The following TMEM272 variants were observed in gnomAD, a reference collection of about 807,000 sequenced individuals.
TMEM272 encodes long intergenic non-protein coding RNA 282.
A neutral mutation model predicts 3.7 loss-of-function variants in TMEM272; 8 were observed. That is an observed-to-expected ratio of 2.17 (90% confidence interval 1.27 to 3.91). The LOEUF is 3.91. TMEM272 is among the 30% of genes most tolerant of loss of function. The pLI, the probability that TMEM272 is intolerant of heterozygous loss-of-function variation, is 0.00. For synonymous variants in TMEM272, 63 were observed against 39.8 expected (o/e 1.58, Z -2.20); for missense variants, 166 against 91.5 (o/e 1.81, Z -3.32).
chr13:51,918,370 T>C, the TMEM272 span, among the ~76,000 whole-genome samples: 1 of 152,186 alleles, frequency 6.6e-6, no homozygotes, highest in South Asian at 2.1e-4. Flanking sequence ...TGTCTGGATA[T>C]TTTAGAATTG....
At chr13:51,834,747 TG>T (rs1442727634) in intron 2 of TMEM272, among the ~76,000 whole-genome samples, 7 of 152,184 alleles carry the variant, frequency 4.6e-5, no homozygotes, top group Non-Finnish European at 8.8e-5. Flanking sequence ...CAAGTGGAGT[TG>T]AAGGGGACTT....
At chr13:51,865,862 G>A in the TMEM272 span, 5 of 1,613,698 alleles carry the variant, frequency 3.1e-6, no homozygotes, top group Non-Finnish European at 4.2e-6. Flanking sequence ...GGAAGAAAAG[G>A]CCCTGTGGGT....
rs537522058 is a variant in TMEM272, at chr13:51,820,110, TC to T, written c.201+1944del. 1.9e-4 allele frequency among the ~76,000 whole-genome samples: 29 copies of T among 152,304 alleles called. No individual in the cohort carries two copies. The South Asian group carries it at 5.6e-3, about 29-fold the overall frequency. The stretch of plus-strand genomic sequence containing the variant: ...ACACAATACTTAACTTACTAGGCAC[TC>T]TAATTTTCTATTTTATTTTTTAAAA... On this transcript the variant is annotated intron_variant, in intron 4 of 4. Coordinates refer to ENST00000629372, the MANE Select transcript of TMEM272 (RefSeq NM_001351003.2).
the TMEM272 span, among the ~76,000 whole-genome samples, chr13:51,904,636 C>T: frequency 6.6e-6 from 1 of 152,154 alleles, no homozygotes; most frequent in East Asian, 1.9e-4. Flanking sequence ...ATCCAAAAAT[C>T]TGAAATGCTC....
the TMEM272 span, among the ~76,000 whole-genome samples, chr13:51,929,118 A>G: frequency 6.6e-6 from 1 of 152,002 alleles, no homozygotes. Flanking sequence ...AATCGCTTGA[A>G]CCTGGGAGGC....
the TMEM272 span, among the ~76,000 whole-genome samples, chr13:51,907,623 C>T: frequency 1.3e-5 from 2 of 152,184 alleles, no homozygotes; most frequent in Non-Finnish European, 2.9e-5. Flanking sequence ...TGGAAACCAC[C>T]GTAAAGGCTC....
At chr13:51,910,942 C>G in the TMEM272 span, among the ~76,000 whole-genome samples, 1 of 152,234 alleles carries the variant, frequency 6.6e-6, no homozygotes, top group East Asian at 1.9e-4. Context: ...CAAGCTGACA[C>G]CCTAGCTAAA....
chr13:51,912,206 G>A, the TMEM272 span, among the ~76,000 whole-genome samples: 1 of 152,162 alleles, frequency 6.6e-6, no homozygotes. Context: ...GGTTTTCCCT[G>A]TTTTTCCAGT....
chr13:51,895,612 G>A, the TMEM272 span, among the ~76,000 whole-genome samples: 2 of 152,032 alleles, frequency 1.3e-5, no homozygotes, highest in African/African-American at 4.8e-5. Context: ...TACCAAGATA[G>A]CAGACCAGGC....
chr13:51,860,267 T>C, the TMEM272 span, among the ~76,000 whole-genome samples: 1 of 152,222 alleles, frequency 6.6e-6, no homozygotes, highest in Admixed American at 6.5e-5. Flanking sequence ...ATTGCAGATA[T>C]TGGGCGATTA....
the TMEM272 span, chr13:51,862,019 A>G: frequency 5.9e-5 from 9 of 152,266 alleles, no homozygotes; most frequent in Admixed American, 5.9e-4. Flanking sequence ...AAACCTTTCA[A>G]GTGCCCCCTC....
chr13:51,889,899 C>A, the TMEM272 span, among the ~76,000 whole-genome samples: 1 of 152,170 alleles, frequency 6.6e-6, no homozygotes, highest in African/African-American at 2.4e-5. Flanking sequence ...CCTCGGCCCC[C>A]CAAAGTGCTG....
chr13:51,923,320 G>T, the TMEM272 span, among the ~76,000 whole-genome samples: 10 of 152,206 alleles, frequency 6.6e-5, no homozygotes, highest in Non-Finnish European at 1.2e-4. Context: ...GGACCTCTCC[G>T]GAGACAGAAT....
At chr13:51,911,765 G>A in the TMEM272 span, among the ~76,000 whole-genome samples, 1 of 152,116 alleles carries the variant, frequency 6.6e-6, no homozygotes, top group African/African-American at 2.4e-5. Flanking sequence ...GGTCACATCT[G>A]CCACTCCCTT....
rs1185633068 is a variant in TMEM272, at chr13:51,814,805, G to A, written c.*1946C>T. ...CTACCAGAAACTGGGAATGTCCAAC[G>A]TTTGAGACCTAGCTACTGATGTATC... On this transcript the variant is annotated 3_prime_UTR_variant, in exon 5 of 5. Coordinates refer to ENST00000629372, the MANE Select transcript of TMEM272 (RefSeq NM_001351003.2). The A allele has an allele frequency of 1.3e-5, 2 of 152,270 alleles. No individual in the cohort carries two copies. The highest frequency in any genetic ancestry group is 2.1e-4 in the South Asian group (1 of 4,828). The allele number at this position is 152,270 out of a possible 1,614,324, so 9.4% of individuals were successfully genotyped here. A position where few individuals can be genotyped will look rare whatever the true frequency, so the allele number is the denominator to read the frequency against.
In TMEM272 at chr13:51,826,552, G is replaced by C. The variant is rs1405433759; in HGVS notation, c.118+14C>G. The C allele has an allele frequency of 4.3e-6, 3 of 702,560 alleles. No individual in the cohort carries two copies. The South Asian group carries it at 4.4e-5, about 10-fold the overall frequency. 43.5% of individuals were successfully genotyped at this position (702,560 alleles called of 1,614,324 possible). On this transcript the variant is annotated intron_variant, in intron 3 of 4. Coordinates refer to ENST00000629372, the MANE Select transcript of TMEM272 (RefSeq NM_001351003.2). ...GCTGACCTGTGGCGTCCAGCAGCTC[G>C]GAAGGCAGCTTACCTATGAAGGTCA... is the stretch of plus-strand genomic sequence containing the variant.
chr13:51,853,393 T>C, the TMEM272 span, among the ~76,000 whole-genome samples: 3 of 151,230 alleles, frequency 2.0e-5, no homozygotes, highest in Admixed American at 1.3e-4. Context: ...CTGGGCAACA[T>C]AGCGAGACTC....
the TMEM272 span, chr13:51,933,627 C>A: frequency 6.6e-6 from 1 of 152,200 alleles, no homozygotes; most frequent in Non-Finnish European, 1.5e-5. Context: ...TTTTCTGAAG[C>A]CCCTGGGCAG....
At chr13:51,880,496 AT>A in the TMEM272 span, among the ~76,000 whole-genome samples, 146,191 of 151,940 alleles carry the variant, frequency 0.96, 70,345 homozygotes, top group East Asian at 1. Context: ...CATACAGGGA[AT>A]TTTTTTTTTA....
Sources: gnomAD v4.1 joint callset for allele counts (sites outside exome capture counted in the v4.1 genomes callset) on GRCh38, gnomAD v4.1.1 for gene constraint, MANE v1.5 for transcripts, NCBI Gene and HGNC (gene_info 2026-07-23, HGNC 2026-07-21) for gene names.